ABCA12: variants seen among roughly 807,000 people sequenced by gnomAD.
The protein encoded by ABCA12 is ATP binding cassette subfamily A member 12.
ABCA12 carries 156 observed loss-of-function variants against 293.5 expected under a neutral mutation model. The ratio of observed to expected loss-of-function variants is 0.53; its 90% CI spans 0.47 to 0.61. The LOEUF is 0.61. ABCA12 is among the 20% of genes least tolerant of loss of function. The pLI, the probability that ABCA12 is intolerant of heterozygous loss-of-function variation, is 0.00. For synonymous variants in ABCA12, 1,063 were observed against 1,108.0 expected (o/e 0.96, Z 0.81); for missense variants, 2,797 against 3,090.2 (o/e 0.91, Z 2.25).
rs1185275379 is a variant in ABCA12, at chr2:214,934,139, T to C, written c.7619A>G (p.Glu2540Gly). Residue 2540 changes from glutamate (E) to glycine (G), a missense_variant, in exon 52 of 53, where the codon GAA (glutamate) becomes GGA (glycine). Transcript: ENST00000272895. ...AATATTTAAAGCAGTCTTGTTGGTTTCCAGCAGATCAAAAATGTTTGCGAC... is the reference window on the plus strand; with the variant it reads ...AATATTTAAAGCAGTCTTGTTGGTTCCCAGCAGATCAAAAATGTTTGCGAC... ...GGVANIFDLL[E>G]TNKTALNITN... 5 of 1,613,850 alleles carry C rather than the reference T, an allele frequency of 3.1e-6. No homozygotes were observed. The highest frequency in any genetic ancestry group is 4.2e-6 in the Non-Finnish European group (5 of 1,179,814).
chr2:215,060,728 A>T (rs941500544), intron 3 of ABCA12, among the ~76,000 whole-genome samples: 1 of 152,082 alleles, frequency 6.6e-6, no homozygotes, highest in African/African-American at 2.4e-5. Flanking sequence ...ACTTCCAGTT[A>T]TCTTACACTC....
intron 1 of ABCA12, among the ~76,000 whole-genome samples, chr2:215,135,066 G>T (rs529868995): frequency 6.6e-6 from 1 of 151,890 alleles, no homozygotes; most frequent in Non-Finnish European, 1.5e-5. Context: ...AGGTTCAAGC[G>T]ATTTTCCTGC....
intron 40 of ABCA12, 47 bp downstream of exon 40, chr2:214,958,977 T>C (rs1699035462): frequency 6.4e-7 from 1 of 1,557,636 alleles, no homozygotes; most frequent in Admixed American, 1.7e-5. Context: ...ATACAAAGGC[T>C]CAGCTATGTC....
At chr2:215,119,632 T>C (rs1189210857) in intron 1 of ABCA12, among the ~76,000 whole-genome samples, 2 of 151,990 alleles carry the variant, frequency 1.3e-5, no homozygotes, top group Non-Finnish European at 2.9e-5. Flanking sequence ...GTCGCTTTAT[T>C]TCTCTGTTTC....
At chr2:214,982,447 C>T in intron 29 of ABCA12, 64 bp from the exon 30 acceptor site, 4 of 1,361,578 alleles carry the variant, frequency 2.9e-6, no homozygotes, top group Non-Finnish European at 4.2e-6. Flanking sequence ...TGGAAACATA[C>T]AATAACCCTA....
At chr2:215,051,910 G>T (rs553715716) in intron 5 of ABCA12, among the ~76,000 whole-genome samples, 1 of 151,932 alleles carries the variant, frequency 6.6e-6, no homozygotes, top group East Asian at 1.9e-4. Context: ...TAAAATCTCC[G>T]TACACACACT....
chr2:214,941,404 G>A (rs755096963), intron 50 of ABCA12, among the ~76,000 whole-genome samples: 6 of 152,190 alleles, frequency 3.9e-5, no homozygotes, highest in Non-Finnish European at 8.8e-5. Context: ...GTGATGTGGT[G>A]CTGAGAAGAA....
intron 2 of ABCA12, among the ~76,000 whole-genome samples, chr2:215,073,242 C>T (rs1048136587): frequency 6.6e-6 from 1 of 152,110 alleles, no homozygotes; most frequent in Non-Finnish European, 1.5e-5. Flanking sequence ...AACAAAGATT[C>T]ACGATTGCAT....
chr2:215,064,877 A>G (rs1701611533), intron 2 of ABCA12, among the ~76,000 whole-genome samples: 1 of 151,956 alleles, frequency 6.6e-6, no homozygotes, highest in African/African-American at 2.4e-5. Flanking sequence ...TTCTTTTGTA[A>G]TCAAAGTAGG....
At chr2:214,936,192 C>T (rs1244673988) in intron 51 of ABCA12, among the ~76,000 whole-genome samples, 1 of 152,128 alleles carries the variant, frequency 6.6e-6, no homozygotes. Flanking sequence ...TAATTTTGTA[C>T]CACCCGATCT....
intron 48 of ABCA12, among the ~76,000 whole-genome samples, chr2:214,947,070 A>G (rs986235813): frequency 1.3e-5 from 2 of 152,164 alleles, no homozygotes; most frequent in Non-Finnish European, 2.9e-5. Context: ...AAAAAGAGAG[A>G]TGATTTCTTC....
rs1244302223 is a variant in ABCA12, at chr2:214,983,849, G to A, written c.4180C>T (p.Leu1394=). Residue 1394 remains leucine (L), a synonymous_variant, in exon 29 of 53, where the codon CTG becomes TTG. Transcript: ENST00000272895. ...KTTTISMLTG[L]FGASAGTIFV... The stretch of plus-strand genomic sequence containing the variant: ...ATGGTGCCTGCTGAGGCCCCAAACA[G>A]CCCAGTTAACATGGAACTGGAAATG... The A allele has an allele frequency of 6.2e-7, 1 of 1,613,854 alleles. No individual in the cohort carries two copies. The highest frequency in any genetic ancestry group is 1.1e-5 in the South Asian group (1 of 91,076).
intron 2 of ABCA12, among the ~76,000 whole-genome samples, chr2:215,110,971 C>T (rs1189498216): frequency 2.6e-5 from 4 of 152,210 alleles, no homozygotes; most frequent in African/African-American, 9.6e-5. Flanking sequence ...GGTTAAAACC[C>T]TCATCCCCCT....
At chr2:215,114,169 C>T (rs1239572850) in intron 1 of ABCA12, among the ~76,000 whole-genome samples, 4 of 152,036 alleles carry the variant, frequency 2.6e-5, no homozygotes, top group Non-Finnish European at 5.9e-5. Flanking sequence ...GAGACGGGGT[C>T]TCACCATGTA....
chr2:214,985,929 T>C (rs1312573418), intron 28 of ABCA12, among the ~76,000 whole-genome samples: 3 of 152,156 alleles, frequency 2.0e-5, no homozygotes, highest in Non-Finnish European at 1.5e-5. Flanking sequence ...CACAGGAAAA[T>C]GCTACATAGG....
rs1435292388 is a variant in ABCA12 at position 214,996,347 on chromosome 2, C to A, written c.3294+1348G>T. 3.3e-5 allele frequency among the ~76,000 whole-genome samples: 5 copies of A among 152,006 alleles called. No individual in the cohort carries two copies. In the East Asian group the frequency reaches 7.7e-4, roughly 23 times the overall value. ...ATATATACTGTATGCATACATGCTT[C>A]TATTTACTGTTTCTATCACAAGTAA... On this transcript the variant is annotated intron_variant, in intron 23 of 52. Transcript: ENST00000272895.
Position 214,990,740 on chromosome 2 carries a change from C to G in ABCA12, c.3586G>C (p.Val1196Leu). 2 of 1,614,118 alleles carry G rather than the reference C, an allele frequency of 1.2e-6. No homozygotes were observed. The highest frequency in any genetic ancestry group is 2.2e-5 in the East Asian group (1 of 44,872). ...AATACATAGCTCAACTCATTCTCCA[C>G]TGTAACCAGAACAATAAATGGAAAG... is the stretch of plus-strand genomic sequence containing the variant. ...AFFPFIVLVT[V>L]ENELSYVLKV... Residue 1196 changes from valine (V) to leucine (L), a missense_variant, in exon 24 of 53, where the codon GTG becomes CTG. Coordinates refer to ENST00000272895, the MANE Select transcript of ABCA12 (RefSeq NM_173076.3).
At chr2:215,039,246 G>A (rs1486150308) in intron 7 of ABCA12, among the ~76,000 whole-genome samples, 1 of 152,024 alleles carries the variant, frequency 6.6e-6, no homozygotes, top group East Asian at 1.9e-4. Context: ...AAATGCTGGA[G>A]AAATAACAAA....
chr2:215,014,355 C>CA (rs60565150), intron 15 of ABCA12, among the ~76,000 whole-genome samples: 112 of 145,798 alleles, frequency 7.7e-4, no homozygotes, highest in Admixed American at 1.4e-3. Context: ...TAAGCAAAGT[C>CA]AAAAAAAAAA....
Sources: allele counts gnomAD v4.1 joint callset (sites outside exome capture counted in the v4.1 genomes callset), GRCh38; gene constraint gnomAD v4.1.1; transcripts MANE v1.5; gene names NCBI Gene and HGNC (gene_info 2026-07-23, HGNC 2026-07-21).